The following KCNMB4 variants were observed in gnomAD, a reference collection of about 807,000 sequenced individuals.
The protein encoded by KCNMB4 is calcium-activated potassium channel subunit beta-4.
A neutral mutation model predicts 20.7 loss-of-function variants in KCNMB4; 3 were observed. That is an observed-to-expected ratio of 0.14 (90% CI 0.07 to 0.37). The LOEUF is 0.37. Among genes scored for constraint, KCNMB4 ranks in the 10% least tolerant of loss-of-function variants. The pLI is 1.00. For synonymous variants in KCNMB4, 110 were observed against 113.4 expected, an observed-to-expected ratio of 0.97 and a Z score of 0.19; for missense variants, 168 against 265.9, an observed-to-expected ratio of 0.63 and a Z score of 2.56.
chr12:70,370,412 A>G (rs11178202), intron 1 of KCNMB4, among the ~76,000 whole-genome samples: 6,838 of 150,482 alleles, frequency 0.045, 666 homozygotes, highest in East Asian at 0.45. Context: ...GGTTCATGCC[A>G]TTCTCCTGCC....
chr12:70,393,318 TCAGCCTCCTAAGTAGCTGGGATTA>T (rs1365159561), intron 1 of KCNMB4, among the ~76,000 whole-genome samples: 5 of 152,142 alleles, frequency 3.3e-5, no homozygotes, highest in Non-Finnish European at 1.5e-5. Context: ...TTCTCCTGCC[TCAGCCTCCTAAGTAGCTGGGATTA>T]CAGGCTCCTG....
chr12:70,402,745 A>G (rs185365794), intron 2 of KCNMB4, among the ~76,000 whole-genome samples: 184 of 152,122 alleles, frequency 1.2e-3, no homozygotes, highest in African/African-American at 4.1e-3. Flanking sequence ...GTTTGATGCA[A>G]TGACTTAATA....
In KCNMB4 at chr12:70,431,530, GAAAA is replaced by G. The variant is rs1288263934; in HGVS notation, c.*881_*884del. 6.8e-6 allele frequency: 1 copy of G among 147,172 alleles called. No individual in the cohort carries two copies. Among genetic ancestry groups the G allele is most frequent in the Non-Finnish European group, 1.5e-5 (1 of 66,888 alleles). 9.1% of individuals were successfully genotyped at this position (147,172 alleles called of 1,614,324 possible). On this transcript the variant is annotated 3_prime_UTR_variant, in exon 3 of 3. Coordinates refer to ENST00000258111, the MANE Select transcript of KCNMB4 (RefSeq NM_014505.6). ...CATTTTTTTTTTTTTTTGTAGGTCAGAAAAAAACAACAAAATCAGTTCAAGCATT... is the reference window on the plus strand; with the variant it reads ...CATTTTTTTTTTTTTTTGTAGGTCAGAAACAACAAAATCAGTTCAAGCATT...
In KCNMB4 at chr12:70,431,542, A is replaced by C. The variant is rs1593352976; in HGVS notation, c.*889A>C. 2 of 151,654 alleles carry C rather than the reference A, an allele frequency of 1.3e-5. No homozygotes were observed. Among genetic ancestry groups the C allele is most frequent in the Middle Eastern group, 6.8e-3 (2 of 292 alleles). 9.4% of individuals were successfully genotyped at this position (151,654 alleles called of 1,614,324 possible). ...TTTTTGTAGGTCAGAAAAAAACAAC[A>C]AAATCAGTTCAAGCATTTTTTTTTC... On this transcript the variant is annotated 3_prime_UTR_variant, in exon 3 of 3. Coordinates refer to ENST00000258111, the MANE Select transcript of KCNMB4 (RefSeq NM_014505.6).
chr12:70,383,733 C>T (rs771258529), intron 1 of KCNMB4, among the ~76,000 whole-genome samples: 18 of 152,172 alleles, frequency 1.2e-4, no homozygotes, highest in Non-Finnish European at 2.4e-4. Context: ...GCCTTTTTCC[C>T]TCTGTATGTG....
intron 2 of KCNMB4, chr12:70,422,771 T>C (rs1020243254): frequency 1.2e-5 from 15 of 1,280,370 alleles, no homozygotes; most frequent in Non-Finnish European, 1.5e-5. Flanking sequence ...GGGTTATCCT[T>C]AATAGGCCCC....
chr12:70,382,064 A>G (rs1883795901), intron 1 of KCNMB4, among the ~76,000 whole-genome samples: 1 of 152,256 alleles, frequency 6.6e-6, no homozygotes, highest in Non-Finnish European at 1.5e-5. Flanking sequence ...TTTGGAAAAT[A>G]CTAGGAATCA....
chr12:70,430,717 C>T lies in KCNMB4; in HGVS notation c.*64C>T, dbSNP rs1202691908. The T allele has an allele frequency of 1.1e-5, 16 of 1,451,356 alleles. No individual in the cohort carries two copies. Among genetic ancestry groups the T allele is most frequent in the South Asian group, 1.5e-5 (1 of 68,240 alleles). The allele number at this position is 1,451,356 out of a possible 1,614,324, so 89.9% of individuals were successfully genotyped here. A position where few individuals can be genotyped will look rare whatever the true frequency, so the allele number is the denominator to read the frequency against. On this transcript the variant is annotated 3_prime_UTR_variant, in exon 3 of 3. Transcript: ENST00000258111. ...GTACTCATCGGCACGCGTCCACCTGCGGAACCTGTGTTTCCTGGCGCAGGA... is the reference window on the plus strand; with the variant it reads ...GTACTCATCGGCACGCGTCCACCTGTGGAACCTGTGTTTCCTGGCGCAGGA...
At chr12:70,392,673 TC>T (rs1868310210) in intron 1 of KCNMB4, among the ~76,000 whole-genome samples, 1 of 152,300 alleles carries the variant, frequency 6.6e-6, no homozygotes, top group South Asian at 2.1e-4. Context: ...TGAGTTCATG[TC>T]CTTTGCAGGG....
chr12:70,391,432 A>G (rs912065392), intron 1 of KCNMB4, among the ~76,000 whole-genome samples: 7 of 152,012 alleles, frequency 4.6e-5, no homozygotes, highest in Non-Finnish European at 7.4e-5. Context: ...TCTCCTGACT[A>G]ACTATGACTA....
chr12:70,423,150 A>G (rs1869115664), intron 2 of KCNMB4, among the ~76,000 whole-genome samples: 1 of 152,092 alleles, frequency 6.6e-6, no homozygotes, highest in African/African-American at 2.4e-5. Context: ...CATATATAAC[A>G]CTTTATTTCT....
chr12:70,394,496 A>G (rs1193937656), intron 1 of KCNMB4, among the ~76,000 whole-genome samples: 2 of 152,208 alleles, frequency 1.3e-5, no homozygotes, highest in South Asian at 4.1e-4. Context: ...TCAGATGTGG[A>G]TAAACATTCT....
chr12:70,409,276 A>G (rs567975779), intron 2 of KCNMB4, among the ~76,000 whole-genome samples: 13 of 152,184 alleles, frequency 8.5e-5, no homozygotes, highest in African/African-American at 3.1e-4. Context: ...GCCTGGATTC[A>G]GGCTCTCACC....
At chr12:70,422,607 T>C in intron 2 of KCNMB4, 2 of 853,766 alleles carry the variant, frequency 2.3e-6, no homozygotes, top group Non-Finnish European at 3.3e-6. Flanking sequence ...TTCTAATTAA[T>C]AAAGCCTTTT....
chr12:70,400,729 C>G (rs1340157163), intron 2 of KCNMB4, among the ~76,000 whole-genome samples: 1 of 152,158 alleles, frequency 6.6e-6, no homozygotes, highest in Non-Finnish European at 1.5e-5. Context: ...CCTTACTTGA[C>G]TTAGTACTCA....
At chr12:70,429,463 G>A (rs1162537843) in intron 2 of KCNMB4, among the ~76,000 whole-genome samples, 2 of 152,066 alleles carry the variant, frequency 1.3e-5, no homozygotes, top group Non-Finnish European at 2.9e-5. Context: ...TCAGGAGATC[G>A]AGACCATCCG....
chr12:70,387,398 ATTTTT>A (rs200125786), intron 1 of KCNMB4, among the ~76,000 whole-genome samples: 2 of 123,990 alleles, frequency 1.6e-5, no homozygotes, highest in Admixed American at 8.4e-5. Context: ...AAATTTTTTA[ATTTTT>A]TTTTTTTTTT....
rs1555210743 is a variant in KCNMB4 at position 70,375,479 on chromosome 12, T to TTA, written c.336+8409_336+8410insTA. 4.9e-3 allele frequency among the ~76,000 whole-genome samples: 720 copies of TTA among 147,066 alleles called. 33 individuals are homozygous for TTA. In the East Asian group the frequency reaches 0.11, roughly 22 times the overall value. The stretch of plus-strand genomic sequence containing the variant: ...GCCAAGACCACATCTCTACAAAAAT[T>TTA]AAAAAAAAAAAAAATTAGCCAGACA... On this transcript the variant is annotated intron_variant, in intron 1 of 2. Coordinates refer to ENST00000258111, the MANE Select transcript of KCNMB4 (RefSeq NM_014505.6).
intron 2 of KCNMB4, among the ~76,000 whole-genome samples, chr12:70,413,493 A>C (rs1382835706): frequency 6.6e-6 from 1 of 152,098 alleles, no homozygotes; most frequent in Non-Finnish European, 1.5e-5. Context: ...CTCCATTTCT[A>C]TCCATGGCTC....
Sources: allele counts gnomAD v4.1 joint callset (sites outside exome capture counted in the v4.1 genomes callset), GRCh38; gene constraint gnomAD v4.1.1; transcripts MANE v1.5; gene names NCBI Gene and HGNC (gene_info 2026-07-23, HGNC 2026-07-21).